MACROD2: variants seen among roughly 807,000 people sequenced by gnomAD.
The protein encoded by MACROD2 is ADP-ribose glycohydrolase MACROD2.
Under a neutral mutation model 70.4 loss-of-function variants are expected in MACROD2, and 36 were observed. The ratio of observed to expected loss-of-function variants is 0.51; its 90% CI spans 0.39 to 0.68. MACROD2 has a LOEUF of 0.68. MACROD2 is among the 30% of genes least tolerant of loss of function. MACROD2 has a pLI of 0.00. For synonymous variants in MACROD2, 172 were observed against 178.8 expected (o/e 0.96, Z 0.30); for missense variants, 496 against 538.4 (o/e 0.92, Z 0.78).
chr20:15,130,854 A>G (rs549525586), intron 5 of MACROD2, among the ~76,000 whole-genome samples: 1 of 152,242 alleles, frequency 6.6e-6, no homozygotes, highest in East Asian at 1.9e-4. Context: ...TGATGGAAGT[A>G]GAGGCTCAGA....
chr20:14,701,460 C>G (rs1295615437), intron 5 of MACROD2, among the ~76,000 whole-genome samples: 2 of 152,176 alleles, frequency 1.3e-5, no homozygotes, highest in African/African-American at 4.8e-5. Context: ...ATCGGTGATG[C>G]CACTTGACTG....
At chr20:15,942,200 A>G (rs1052168650) in intron 12 of MACROD2, among the ~76,000 whole-genome samples, 9 of 152,164 alleles carry the variant, frequency 5.9e-5, no homozygotes, top group Non-Finnish European at 1.3e-4. Context: ...CCAGCTGCCA[A>G]CAGAAGGAGA....
Position 14,685,010 on chromosome 20 carries a change from T to C in MACROD2, c.418+51T>C, listed in dbSNP as rs771890103. On this transcript the variant is annotated intron_variant, in intron 5 of 17. Coordinates refer to ENST00000684519, the MANE Select transcript of MACROD2 (RefSeq NM_001351661.2). ...AAACCAGATGAGACATCTTAACTTG[T>C]TTTACTCCAGTGTATAACTGGAAAA... The C allele has an allele frequency of 5.7e-6, 8 of 1,401,492 alleles. No individual in the cohort carries two copies. The African/African-American group carries it at 8.5e-5, about 15-fold the overall frequency. 86.8% of individuals were successfully genotyped at this position (1,401,492 alleles called of 1,614,324 possible).
chr20:15,158,948 C>T (rs2076328421), intron 5 of MACROD2, among the ~76,000 whole-genome samples: 1 of 152,086 alleles, frequency 6.6e-6, no homozygotes, highest in Non-Finnish European at 1.5e-5. Context: ...TTCCTTTAAT[C>T]TCCATTTCTT....
chr20:14,936,125 A>T (rs191320036), intron 5 of MACROD2, among the ~76,000 whole-genome samples: 2 of 152,284 alleles, frequency 1.3e-5, no homozygotes, highest in Admixed American at 1.3e-4. Flanking sequence ...AAATGTTAAT[A>T]TGAGTATGTG....
chr20:15,096,354 G>A (rs992187706), intron 5 of MACROD2, among the ~76,000 whole-genome samples: 1 of 151,676 alleles, frequency 6.6e-6, no homozygotes, highest in Non-Finnish European at 1.5e-5. Context: ...CAAGCAGTTC[G>A]TAAGTGGCTA....
chr20:15,127,243 A>G (rs1343732887), intron 5 of MACROD2, among the ~76,000 whole-genome samples: 1 of 152,118 alleles, frequency 6.6e-6, no homozygotes, highest in Non-Finnish European at 1.5e-5. Context: ...CTGGTGCAAA[A>G]TAAATAAATG....
rs1446115602 is a variant in MACROD2, at chr20:14,618,415, C to G, written c.302-66428C>G. Among the ~76,000 whole-genome samples the G allele has an allele frequency of 1.3e-5, 2 of 152,072 alleles. 1 individual carries two copies. The highest frequency in any genetic ancestry group is 2.9e-5 in the Non-Finnish European group (2 of 67,990). ...ACAAATTACTTACCTCTCAATTTTC[C>G]TGTGTTAGAGATAATTATAGAACAA... On this transcript the variant is annotated intron_variant, in intron 4 of 17. Transcript: ENST00000684519.
intron 2 of MACROD2, among the ~76,000 whole-genome samples, chr20:14,005,301 C>A (rs2052798808): frequency 6.6e-6 from 1 of 152,108 alleles, no homozygotes; most frequent in Non-Finnish European, 1.5e-5. Flanking sequence ...AACAAAAACC[C>A]CATCCAGAAA....
intron 7 of MACROD2, among the ~76,000 whole-genome samples, chr20:15,499,046 C>T (rs528041777): frequency 1.3e-5 from 2 of 152,144 alleles, no homozygotes; most frequent in African/African-American, 4.8e-5. Context: ...TCACTATTGG[C>T]AGAATGTTTG....
Position 15,006,139 on chromosome 20 carries a change from A to ATGTGTG in MACROD2, c.419-223800_419-223799insGTGTGT, listed in dbSNP as rs1254410663. Reference sequence around the variant, plus strand: ...CACAAAGAATGCATTTTATATATATATATGTGTGTGTGTGTGTGTGTGTGT... The same window carrying ATGTGTG: ...CACAAAGAATGCATTTTATATATATATGTGTGTATGTGTGTGTGTGTGTGTGTGTGT... On this transcript the variant is annotated intron_variant, in intron 5 of 17. Coordinates refer to ENST00000684519, the MANE Select transcript of MACROD2 (RefSeq NM_001351661.2). Among the ~76,000 whole-genome samples, 194 of 95,092 alleles carry ATGTGTG rather than the reference A, an allele frequency of 2.0e-3. 1 individual carries two copies. The highest frequency in any genetic ancestry group is 4.5e-3 in the South Asian group (14 of 3,136). 62.4% of individuals were successfully genotyped at this position (95,092 alleles called of 152,430 possible).
At chr20:15,651,362 C>A (rs2049640270) in intron 8 of MACROD2, among the ~76,000 whole-genome samples, 1 of 152,298 alleles carries the variant, frequency 6.6e-6, no homozygotes, top group South Asian at 2.1e-4. Context: ...AACAAAGGAT[C>A]TTATAGATCC....
chr20:15,077,835 A>G (rs1355207418), intron 5 of MACROD2, among the ~76,000 whole-genome samples: 1 of 152,130 alleles, frequency 6.6e-6, no homozygotes, highest in East Asian at 1.9e-4. Flanking sequence ...TAGAGGGACC[A>G]TAGCAGGGAG....
At chr20:14,506,140 A>C (rs555182267) in intron 4 of MACROD2, among the ~76,000 whole-genome samples, 1 of 152,248 alleles carries the variant, frequency 6.6e-6, no homozygotes, top group South Asian at 2.1e-4. Context: ...TGTCAGTGAA[A>C]GTGATGATCT....
intron 3 of MACROD2, among the ~76,000 whole-genome samples, chr20:14,161,723 C>T (rs906700919): frequency 3.9e-5 from 6 of 151,994 alleles, no homozygotes; most frequent in South Asian, 2.1e-4. Flanking sequence ...ACTACAGGTA[C>T]GCGCCACCAC....
intron 4 of MACROD2, among the ~76,000 whole-genome samples, chr20:14,650,150 C>T (rs1985606304): frequency 6.6e-6 from 1 of 152,048 alleles, no homozygotes; most frequent in African/African-American, 2.4e-5. Flanking sequence ...CTGAGATATG[C>T]AAAAAACTGT....
At chr20:15,520,181 C>A (rs917910667) in intron 8 of MACROD2, among the ~76,000 whole-genome samples, 1 of 152,046 alleles carries the variant, frequency 6.6e-6, no homozygotes, top group African/African-American at 2.4e-5. Context: ...CTATTTTTTT[C>A]AGTTAATGTA....
chr20:14,114,658 C>T (rs896364222), intron 3 of MACROD2, among the ~76,000 whole-genome samples: 3 of 152,032 alleles, frequency 2.0e-5, no homozygotes, highest in East Asian at 1.9e-4. Context: ...AAACGAGGAA[C>T]GGGGCACAAG....
chr20:14,590,619 A>C (rs1981701629), intron 4 of MACROD2, among the ~76,000 whole-genome samples: 1 of 151,990 alleles, frequency 6.6e-6, no homozygotes, highest in African/African-American at 2.4e-5. Flanking sequence ...TCATGTTACT[A>C]TTTTTCCCGT....
Sources: allele counts gnomAD v4.1 joint callset (sites outside exome capture counted in the v4.1 genomes callset), GRCh38; gene constraint gnomAD v4.1.1; transcripts MANE v1.5; gene names NCBI Gene and HGNC (gene_info 2026-07-23, HGNC 2026-07-21).